TMEFF2: variants seen among roughly 807,000 people sequenced by gnomAD.
The protein encoded by TMEFF2 is tomoregulin-2.
A neutral mutation model predicts 53.8 loss-of-function variants in TMEFF2; 28 were observed. The observed-to-expected ratio is 0.52, with a 90% CI of 0.39 to 0.71. The LOEUF (loss-of-function observed/expected upper bound fraction) is 0.71, where lower values mean the gene tolerates loss of function less well. Ranked by LOEUF, TMEFF2 falls within the 30% of genes least tolerant of loss-of-function variation. The pLI is 0.00. For missense variants in TMEFF2, 353 were observed against 455.2 expected (o/e 0.78, Z 2.04); for synonymous variants, 162 against 166.3 (o/e 0.97, Z 0.20).
intron 5 of TMEFF2, among the ~76,000 whole-genome samples, chr2:192,005,004 T>C (rs2105843056): frequency 6.6e-6 from 1 of 152,326 alleles, no homozygotes; most frequent in African/African-American, 2.4e-5. Flanking sequence ...TGCGATTACA[T>C]AGATCTCTTT....
intron 7 of TMEFF2, among the ~76,000 whole-genome samples, chr2:191,961,584 T>C (rs1692275142): frequency 6.6e-6 from 1 of 152,144 alleles, no homozygotes; most frequent in African/African-American, 2.4e-5. Flanking sequence ...GAAAAAACTG[T>C]TCTGTTCTCC....
At chr2:192,080,487 A>G (rs1280066808) in intron 4 of TMEFF2, among the ~76,000 whole-genome samples, 2 of 152,158 alleles carry the variant, frequency 1.3e-5, no homozygotes, top group African/African-American at 4.8e-5. Flanking sequence ...CTGAACTGTG[A>G]GTCAATTAAA....
At chr2:192,168,921 A>G (rs1690838725) in intron 4 of TMEFF2, among the ~76,000 whole-genome samples, 1 of 152,000 alleles carries the variant, frequency 6.6e-6, no homozygotes, top group African/African-American at 2.4e-5. Context: ...AGCCACTATC[A>G]TAACATACTG....
chr2:192,165,610 C>T (rs1690744527), intron 4 of TMEFF2, among the ~76,000 whole-genome samples: 1 of 152,004 alleles, frequency 6.6e-6, no homozygotes, highest in Non-Finnish European at 1.5e-5. Flanking sequence ...ATAATTACCC[C>T]CTTTGAAAGC....
chr2:192,055,371 TA>T (rs1231680887), intron 5 of TMEFF2, among the ~76,000 whole-genome samples: 2 of 152,216 alleles, frequency 1.3e-5, no homozygotes, highest in African/African-American at 4.8e-5. Flanking sequence ...GGGGCAGAAC[TA>T]AATAACTGGT....
At chr2:192,089,067 A>C (rs1328012756) in intron 4 of TMEFF2, among the ~76,000 whole-genome samples, 1 of 152,124 alleles carries the variant, frequency 6.6e-6, no homozygotes, top group Non-Finnish European at 1.5e-5. Context: ...TGGTAAGTAC[A>C]CTTATTGAAA....
chr2:192,078,814 A>T (rs931573358), intron 4 of TMEFF2, among the ~76,000 whole-genome samples: 1 of 152,226 alleles, frequency 6.6e-6, no homozygotes, highest in Non-Finnish European at 1.5e-5. Flanking sequence ...CAAACTTAAG[A>T]GCACACATGA....
intron 7 of TMEFF2, among the ~76,000 whole-genome samples, chr2:191,984,657 TG>T (rs1272275380): frequency 6.6e-6 from 1 of 151,866 alleles, no homozygotes; most frequent in East Asian, 1.9e-4. Flanking sequence ...TAGTATACTT[TG>T]TGCACACATT....
At chr2:192,022,817 TACTC>T (rs1686886980) in intron 5 of TMEFF2, among the ~76,000 whole-genome samples, 1 of 152,112 alleles carries the variant, frequency 6.6e-6, no homozygotes, top group Non-Finnish European at 1.5e-5. Context: ...TAATAATACT[TACTC>T]TTTATTGGAT....
In TMEFF2 at chr2:191,967,591, T is replaced by A. The variant is rs181962188; in HGVS notation, c.746-11213A>T. ...TTTTAAAAGGTGCTTTAGGTGATTC[T>A]GACGTGCAAATAGTGTGCAGCCTGG... On this transcript the variant is annotated intron_variant, in intron 7 of 9. Coordinates refer to ENST00000272771, the MANE Select transcript of TMEFF2 (RefSeq NM_016192.4). Among the ~76,000 whole-genome samples, 25 of 152,248 alleles carry A rather than the reference T, an allele frequency of 1.6e-4. No individual in the cohort carries two copies. The East Asian group carries it at 3.1e-3, about 19-fold the overall frequency.
At chr2:192,190,515 T>G (rs1226618977) in intron 2 of TMEFF2, among the ~76,000 whole-genome samples, 1 of 152,166 alleles carries the variant, frequency 6.6e-6, no homozygotes, top group African/African-American at 2.4e-5. Context: ...ATAATGGCAC[T>G]GTTTAATGTG....
chr2:191,956,650 A>C (rs969403958), intron 7 of TMEFF2, among the ~76,000 whole-genome samples: 1 of 152,218 alleles, frequency 6.6e-6, no homozygotes, highest in Non-Finnish European at 1.5e-5. Flanking sequence ...GACTTGTCAG[A>C]CAGCTTTAAT....
intron 4 of TMEFF2, among the ~76,000 whole-genome samples, chr2:192,080,991 T>C (rs955250531): frequency 6.6e-6 from 1 of 152,208 alleles, no homozygotes; most frequent in Non-Finnish European, 1.5e-5. Context: ...AAATTAGCAT[T>C]CATTGCAATA....
intron 7 of TMEFF2, among the ~76,000 whole-genome samples, chr2:191,989,734 A>T (rs964685235): frequency 1.3e-5 from 2 of 152,120 alleles, no homozygotes; most frequent in Non-Finnish European, 2.9e-5. Context: ...GCACCAAATC[A>T]TCAGACCCAC....
chr2:192,019,993 CA>C (rs2105859588), intron 5 of TMEFF2, among the ~76,000 whole-genome samples: 1 of 152,184 alleles, frequency 6.6e-6, no homozygotes, highest in South Asian at 2.1e-4. Flanking sequence ...TAGTAGGTTT[CA>C]TACTATGCTT....
chr2:192,058,978 T>G (rs1687981669), intron 4 of TMEFF2, among the ~76,000 whole-genome samples: 1 of 152,142 alleles, frequency 6.6e-6, no homozygotes, highest in African/African-American at 2.4e-5. Context: ...ATTTCTTTTT[T>G]GTTTATTGAC....
At chr2:191,956,213 T>C (rs1428157486) in intron 8 of TMEFF2, 42 bp downstream of exon 8, 8 of 1,554,120 alleles carry the variant, frequency 5.1e-6, no homozygotes, top group Non-Finnish European at 7.0e-6. Context: ...TTTCTACATA[T>C]TAACTTTATA....
At chr2:192,097,063 C>T (rs1443723479) in intron 4 of TMEFF2, among the ~76,000 whole-genome samples, 2 of 152,174 alleles carry the variant, frequency 1.3e-5, no homozygotes, top group African/African-American at 2.4e-5. Context: ...TATACTGCCT[C>T]TTGCAAATAG....
At chr2:192,107,951 G>T (rs758821004) in intron 4 of TMEFF2, among the ~76,000 whole-genome samples, 9 of 120,314 alleles carry the variant, frequency 7.5e-5, no homozygotes, top group Non-Finnish European at 1.5e-4. Flanking sequence ...CAATATAACT[G>T]TTTTTTTTTT....
Sources: allele counts gnomAD v4.1 joint callset (sites outside exome capture counted in the v4.1 genomes callset), GRCh38; gene constraint gnomAD v4.1.1; transcripts MANE v1.5; gene names NCBI Gene and HGNC (gene_info 2026-07-23, HGNC 2026-07-21).